The following ENAH variants were observed in gnomAD, a reference collection of about 807,000 sequenced individuals.
The protein encoded by ENAH is protein enabled homolog.
A neutral mutation model predicts 78.7 loss-of-function variants in ENAH; 23 were observed. That is an observed-to-expected ratio of 0.29 (90% CI 0.21 to 0.41). The LOEUF (loss-of-function observed/expected upper bound fraction) is 0.41, where lower values mean the gene tolerates loss of function less well. Among genes scored for constraint, ENAH ranks in the 10% least tolerant of loss-of-function variants. The probability of loss-of-function intolerance (pLI) is 1.00; values close to 1 mark genes in which losing one functional copy is unlikely to be tolerated. For missense variants in ENAH, 544 were observed against 691.0 expected (o/e 0.79, Z 2.39); for synonymous variants, 226 against 241.0 (o/e 0.94, Z 0.58).
chr1:225,530,953 A>C (rs1575426936), intron 3 of ENAH: 1 of 406,216 alleles, frequency 2.5e-6, no homozygotes, highest in East Asian at 3.5e-5. Flanking sequence ...TAAGCTTGAC[A>C]GTTTCTAAGA....
At chr1:225,509,189 G>A (rs1021979737) in intron 10 of ENAH, among the ~76,000 whole-genome samples, 2 of 152,140 alleles carry the variant, frequency 1.3e-5, no homozygotes, top group Admixed American at 1.3e-4. Context: ...GTTTGGGACA[G>A]GCCGAATCAG....
rs548925203 is a variant in ENAH, at chr1:225,540,436, T to C, written c.350-9798A>G. On this transcript the variant is annotated intron_variant, in intron 3 of 13. Coordinates refer to ENST00000366843, the MANE Select transcript of ENAH (RefSeq NM_018212.6). ...CCATGTCTGTTTTCTCCCACTTTTA[T>C]AGGAGAAAAAAAGAATTAAGAGAAA... Among the ~76,000 whole-genome samples the C allele has an allele frequency of 1.4e-3, 218 of 152,108 alleles. 2 individuals are homozygous for C. Among genetic ancestry groups the C allele is most frequent in the Non-Finnish European group, 2.6e-4 (18 of 67,982 alleles).
chr1:225,610,507 C>CT (rs964609400), intron 1 of ENAH, among the ~76,000 whole-genome samples: 4 of 151,906 alleles, frequency 2.6e-5, no homozygotes, highest in East Asian at 3.9e-4. Flanking sequence ...AAAAAAAATT[C>CT]TTTTTTTTCC....
intron 1 of ENAH, among the ~76,000 whole-genome samples, chr1:225,619,535 C>T (rs1176032847): frequency 6.6e-6 from 1 of 152,090 alleles, no homozygotes; most frequent in Non-Finnish European, 1.5e-5. Flanking sequence ...CAGAGTAAGA[C>T]CCCATCTCAA....
intron 1 of ENAH, among the ~76,000 whole-genome samples, chr1:225,590,352 T>A (rs2096869689): frequency 6.6e-6 from 1 of 151,606 alleles, no homozygotes; most frequent in Admixed American, 6.6e-5. Context: ...GGCGCACACC[T>A]ACTCAGGAGG....
In ENAH at chr1:225,608,614, G is replaced by A. The variant is rs114970859; in HGVS notation, c.6-41200C>T. 1.7e-3 allele frequency among the ~76,000 whole-genome samples: 251 copies of A among 151,720 alleles called. 1 individual carries two copies. The highest frequency in any genetic ancestry group is 3.1e-3 in the Non-Finnish European group (211 of 67,894). ...GCAGATTACCTGAGGTCAGGAGCTC[G>A]AGACCAGCCTCATCAACATGGCGAA... is the stretch of plus-strand genomic sequence containing the variant. On this transcript the variant is annotated intron_variant, in intron 1 of 13. Coordinates refer to ENST00000366843, the MANE Select transcript of ENAH (RefSeq NM_018212.6).
intron 1 of ENAH, among the ~76,000 whole-genome samples, chr1:225,627,568 T>C (rs1283096530): frequency 1.3e-5 from 2 of 152,220 alleles, no homozygotes; most frequent in African/African-American, 2.4e-5. Flanking sequence ...GGAGACCAGA[T>C]AAGACCTCCC....
intron 2 of ENAH, among the ~76,000 whole-genome samples, chr1:225,555,625 T>G (rs1009294723): frequency 1.1e-4 from 17 of 151,964 alleles, no homozygotes; most frequent in African/African-American, 4.1e-4. Context: ...AAAATTTTCC[T>G]CATTAAATAT....
At chr1:225,615,091 G>C (rs959097781) in intron 1 of ENAH, among the ~76,000 whole-genome samples, 1 of 152,052 alleles carries the variant, frequency 6.6e-6, no homozygotes, top group East Asian at 1.9e-4. Flanking sequence ...CTCTGATGCC[G>C]AGCGGAGGCT....
chr1:225,494,180 G>A lies in ENAH; in HGVS notation c.*3595C>T, dbSNP rs977778164. 3.3e-5 allele frequency: 5 copies of A among 151,592 alleles called. No homozygotes were observed. The highest frequency in any genetic ancestry group is 1.2e-4 in the African/African-American group (5 of 41,270). The allele number at this position is 151,592 out of a possible 1,614,324, so 9.4% of individuals were successfully genotyped here. A position where few individuals can be genotyped will look rare whatever the true frequency, so the allele number is the denominator to read the frequency against. On this transcript the variant is annotated 3_prime_UTR_variant, in exon 14 of 14. Coordinates refer to ENST00000366843, the MANE Select transcript of ENAH (RefSeq NM_018212.6). ...ACGAGAAGTGGAGAGGAGAATGGAG[G>A]GGGGAAGGGGAAAATTTGGGTCTGG...
chr1:225,591,419 G>C (rs2096875163), intron 1 of ENAH, among the ~76,000 whole-genome samples: 1 of 150,918 alleles, frequency 6.6e-6, no homozygotes, highest in African/African-American at 2.4e-5. Context: ...AGTGAGCCGA[G>C]ACTGCGCCAT....
At chr1:225,575,255 AG>A (rs2096783120) in intron 1 of ENAH, among the ~76,000 whole-genome samples, 2 of 152,180 alleles carry the variant, frequency 1.3e-5, no homozygotes, top group African/African-American at 4.8e-5. Flanking sequence ...GGCCCTCCCT[AG>A]TTCCTCAACT....
At chr1:225,574,900 C>CAA (rs1160881680) in intron 1 of ENAH, among the ~76,000 whole-genome samples, 4 of 1,522 alleles carry the variant, frequency 2.6e-3, no homozygotes, top group Admixed American at 0.011. Flanking sequence ...GACTCCGTCT[C>CAA]AAAAAAAAAA....
At chr1:225,508,901 C>A (rs1239397596) in intron 10 of ENAH, among the ~76,000 whole-genome samples, 2 of 152,178 alleles carry the variant, frequency 1.3e-5, no homozygotes, top group African/African-American at 4.8e-5. Context: ...TTTGCACATT[C>A]TCAGGTAGCT....
intron 1 of ENAH, among the ~76,000 whole-genome samples, chr1:225,591,763 T>TA (rs1558871217): frequency 2.6e-5 from 1 of 38,848 alleles, no homozygotes; most frequent in Non-Finnish European, 4.0e-5. Flanking sequence ...AGACTCCGTC[T>TA]CAAAAAAAAA....
Position 225,620,351 on chromosome 1 carries a change from C to A in ENAH, c.5+32335G>T, listed in dbSNP as rs184962303. 1.4e-3 allele frequency among the ~76,000 whole-genome samples: 214 copies of A among 151,932 alleles called. 4 individuals carry two copies. In the East Asian group the frequency reaches 0.032, roughly 22 times the overall value. ...GACCAGCCTGGCCAACATGGTGAAACCCCGTATCTACCAAAAATACAAAAA... is the reference window on the plus strand; with the variant it reads ...GACCAGCCTGGCCAACATGGTGAAAACCCGTATCTACCAAAAATACAAAAA... On this transcript the variant is annotated intron_variant, in intron 1 of 13. Coordinates refer to ENST00000366843, the MANE Select transcript of ENAH (RefSeq NM_018212.6).
At chr1:225,503,001 A>C (rs1253214305) in intron 11 of ENAH, among the ~76,000 whole-genome samples, 2 of 152,240 alleles carry the variant, frequency 1.3e-5, no homozygotes, top group Non-Finnish European at 2.9e-5. Context: ...TAATTGGGCA[A>C]GTATGTTATG....
intron 2 of ENAH, among the ~76,000 whole-genome samples, chr1:225,565,462 T>C (rs2096730051): frequency 6.6e-6 from 1 of 152,064 alleles, no homozygotes; most frequent in South Asian, 2.1e-4. Context: ...AAAGAATTTC[T>C]TTCTGATTAT....
At chr1:225,620,394 C>T (rs1279170923) in intron 1 of ENAH, among the ~76,000 whole-genome samples, 1 of 151,686 alleles carries the variant, frequency 6.6e-6, no homozygotes, top group African/African-American at 2.4e-5. Context: ...GGCGTGGTGC[C>T]ACATGCCTGT....
Sources: gnomAD v4.1 joint callset for allele counts (sites outside exome capture counted in the v4.1 genomes callset) on GRCh38, gnomAD v4.1.1 for gene constraint, MANE v1.5 for transcripts, NCBI Gene and HGNC (gene_info 2026-07-23, HGNC 2026-07-21) for gene names.